The following ZNF91 variants were observed in gnomAD, a reference collection of about 807,000 sequenced individuals.
The protein encoded by ZNF91 is zinc finger protein 91.
A neutral mutation model predicts 12.6 loss-of-function variants in ZNF91; 7 were observed. The observed-to-expected ratio is 0.55, with a 90% CI of 0.31 to 1.04. The LOEUF (loss-of-function observed/expected upper bound fraction) is 1.04. Among genes scored for constraint, ZNF91 ranks in the 50% least tolerant of loss-of-function variants. The pLI is 0.05. For missense variants in ZNF91, 1,217 were observed against 1,385.4 expected (o/e 0.88, Z 1.93); for synonymous variants, 453 against 462.6 (o/e 0.98, Z 0.27).
chr19:23,343,479 A>G (rs1968162949), intron 3 of ZNF91, among the ~76,000 whole-genome samples: 1 of 152,238 alleles, frequency 6.6e-6, no homozygotes, highest in Admixed American at 6.5e-5. Context: ...AACAAGAGAA[A>G]CTATTAAGAT....
Position 23,359,370 on chromosome 19 carries a change from C to A in ZNF91, c.*33G>T. ...CTCGCATAGCTGGGACTACAGGCGCCCGCCACCACGCCCGGCTAATTTTTT... is the reference window on the plus strand; with the variant it reads ...CTCGCATAGCTGGGACTACAGGCGCACGCCACCACGCCCGGCTAATTTTTT... On this transcript the variant is annotated 3_prime_UTR_variant, in exon 4 of 4. Transcript: ENST00000300619. 1.3e-6 allele frequency: 1 copy of A among 750,058 alleles called. No individual in the cohort carries two copies. Among genetic ancestry groups the A allele is most frequent in the South Asian group, 1.8e-5 (1 of 55,260 alleles). 46.5% of individuals were successfully genotyped at this position (750,058 alleles called of 1,614,324 possible).
intron 1 of ZNF91, among the ~76,000 whole-genome samples, chr19:23,394,642 C>T (rs776808751): frequency 2.1e-4 from 32 of 152,148 alleles, no homozygotes; most frequent in Middle Eastern, 3.4e-3. Context: ...GCAGGAGAAT[C>T]GCTTGAACCC....
At chr19:23,383,078 T>C (rs1969772495) in intron 1 of ZNF91, among the ~76,000 whole-genome samples, 1 of 152,212 alleles carries the variant, frequency 6.6e-6, no homozygotes, top group South Asian at 2.1e-4. Context: ...CTTTGAACAC[T>C]GATACAAAAA....
At chr19:23,344,804 C>T (rs547072892) in intron 3 of ZNF91, among the ~76,000 whole-genome samples, 2 of 152,330 alleles carry the variant, frequency 1.3e-5, no homozygotes, top group South Asian at 4.1e-4. Flanking sequence ...AGGCACAAAG[C>T]CCCTTGCACC....
rs756840965 is a variant in ZNF91, at chr19:23,361,938, C to T, written c.1041G>A (p.Glu347=). 2 of 1,613,278 alleles carry T rather than the reference C, an allele frequency of 1.2e-6. No individual in the cohort carries two copies. Among genetic ancestry groups the T allele is most frequent in the Admixed American group, 1.7e-5 (1 of 59,870 alleles). Residue 347 remains glutamate (E), a synonymous_variant, in exon 4 of 4, where the codon GAG becomes GAA. Transcript: ENST00000300619. ...CACATTCTTTACATTTGTAGGGTTT[C>T]TCTCCAGTATGAATTCTCTTATGTT... The part of the protein sequence containing the change: ...LAKHKRIHTG[E]KPYKCKECGK...
chr19:23,384,041 C>A (rs1969798942), intron 1 of ZNF91, among the ~76,000 whole-genome samples: 1 of 152,098 alleles, frequency 6.6e-6, no homozygotes, highest in Non-Finnish European at 1.5e-5. Flanking sequence ...ACCTAGGAGG[C>A]AGAGGTTGCA....
intron 1 of ZNF91, among the ~76,000 whole-genome samples, chr19:23,389,055 T>G (rs1969973120): frequency 6.6e-6 from 1 of 152,060 alleles, no homozygotes; most frequent in South Asian, 2.1e-4. Context: ...GGTGCTATAC[T>G]TAGTACCTTA....
chr19:23,378,428 T>G (rs1486566085), intron 1 of ZNF91, among the ~76,000 whole-genome samples: 2 of 152,190 alleles, frequency 1.3e-5, no homozygotes, highest in Non-Finnish European at 1.5e-5. Context: ...GTATTTTTAG[T>G]TCCGTTTCTT....
intron 1 of ZNF91, among the ~76,000 whole-genome samples, chr19:23,383,043 A>C (rs1323945432): frequency 1.3e-5 from 2 of 152,226 alleles, no homozygotes; most frequent in African/African-American, 4.8e-5. Context: ...GAGATAAAAC[A>C]AACCAATAAA....
rs911026726 is a variant in ZNF91, at chr19:23,348,698, C to T, written c.254-9644G>A. ...GAAAAAGAACAGAATAAGCGATTTTCAGGGAACAAGGAAAGATAACCATAA... is the reference window on the plus strand; with the variant it reads ...GAAAAAGAACAGAATAAGCGATTTTTAGGGAACAAGGAAAGATAACCATAA... On this transcript the variant is annotated intron_variant, in intron 3 of 3. Coordinates refer to the ZNF91 transcript ENST00000599743. 2.0e-5 allele frequency among the ~76,000 whole-genome samples: 3 copies of T among 152,128 alleles called. No homozygotes were observed. In the East Asian group the frequency reaches 5.8e-4, roughly 29 times the overall value.
chr19:23,332,998 AT>A (rs1967951443), intron 1 of ZNF91, among the ~76,000 whole-genome samples: 1 of 152,182 alleles, frequency 6.6e-6, no homozygotes, highest in Admixed American at 6.5e-5. Context: ...GGTCTTTCAC[AT>A]GGTGGGAAAT....
At chr19:23,394,818 C>T (rs1411415234) in intron 1 of ZNF91, among the ~76,000 whole-genome samples, 1 of 152,184 alleles carries the variant, frequency 6.6e-6, no homozygotes, top group Non-Finnish European at 1.5e-5. Context: ...AAAATATCTC[C>T]TTCAAGGCCT....
At chr19:23,322,046 CTCT>C (rs1967707579) in intron 1 of ZNF91, among the ~76,000 whole-genome samples, 2 of 152,186 alleles carry the variant, frequency 1.3e-5, no homozygotes, top group African/African-American at 4.8e-5. Context: ...TGACACTCTC[CTCT>C]GATTGTTACA....
intron 1 of ZNF91, among the ~76,000 whole-genome samples, chr19:23,378,289 T>C (rs946032771): frequency 2.0e-5 from 3 of 152,226 alleles, no homozygotes; most frequent in Non-Finnish European, 2.9e-5. Context: ...TCTCTACTAG[T>C]TAGTTCTGCG....
chr19:23,343,372 A>C (rs562315578), intron 3 of ZNF91, among the ~76,000 whole-genome samples: 1 of 152,380 alleles, frequency 6.6e-6, no homozygotes, highest in East Asian at 1.9e-4. Context: ...TAAGGAAAAT[A>C]GTTTGTAAAA....
chr19:23,333,528 CCTT>C (rs1337104701), intron 1 of ZNF91, among the ~76,000 whole-genome samples: 1 of 152,080 alleles, frequency 6.6e-6, no homozygotes, highest in Non-Finnish European at 1.5e-5. Context: ...GAGAGGAAGA[CCTT>C]CTGTGTTTTG....
chr19:23,311,865 AG>A (rs1485959555), upstream of ZNF91, among the ~76,000 whole-genome samples: 1 of 149,298 alleles, frequency 6.7e-6, no homozygotes, highest in Non-Finnish European at 1.5e-5. Flanking sequence ...GTTCATCACT[AG>A]GTATTTCAAA....
chr19:23,322,412 A>C (rs1408564471), intron 1 of ZNF91, among the ~76,000 whole-genome samples: 1 of 152,128 alleles, frequency 6.6e-6, no homozygotes, highest in Non-Finnish European at 1.5e-5. Context: ...TCTCCTAGGC[A>C]CTGCATACAT....
At chr19:23,307,685 C>T (rs1373235576) in intron 2 of ZNF91, 1 of 152,110 alleles carries the variant, frequency 6.6e-6, no homozygotes, top group African/African-American at 2.4e-5. Context: ...TCTCCTTTTT[C>T]CTGAGTTCTA....
Sources: gnomAD v4.1 joint callset for allele counts (sites outside exome capture counted in the v4.1 genomes callset) on GRCh38, gnomAD v4.1.1 for gene constraint, MANE v1.5 for transcripts, NCBI Gene and HGNC (gene_info 2026-07-23, HGNC 2026-07-21) for gene names.